DLG2: variants seen among roughly 807,000 people sequenced by gnomAD.
DLG2 encodes disks large homolog 2.
Under a neutral mutation model 132.5 loss-of-function variants are expected in DLG2, and 45 were observed. The ratio of observed to expected loss-of-function variants is 0.34; its 90% CI spans 0.27 to 0.44. DLG2 has a LOEUF of 0.44. Among genes scored for constraint, DLG2 ranks in the 20% least tolerant of loss-of-function variants. The probability of loss-of-function intolerance (pLI) is 1.00; values close to 1 mark genes in which losing one functional copy is unlikely to be tolerated. For missense variants in DLG2, 1,045 were observed against 1,196.9 expected (o/e 0.87, Z 1.87); for synonymous variants, 424 against 419.6 (o/e 1.01, Z -0.13).
intron 11 of DLG2, among the ~76,000 whole-genome samples, chr11:83,990,277 T>A (rs879565451): frequency 6.6e-6 from 1 of 152,130 alleles, no homozygotes; most frequent in Non-Finnish European, 1.5e-5. Flanking sequence ...ACATACAGAA[T>A]TTCAGGATTA....
At chr11:85,508,194 G>A (rs902876882) in intron 3 of DLG2, among the ~76,000 whole-genome samples, 2 of 152,108 alleles carry the variant, frequency 1.3e-5, no homozygotes, top group African/African-American at 2.4e-5. Flanking sequence ...CCAATCATGT[G>A]AAGCTTACTT....
At chr11:84,561,647 T>G (rs2154526254) in intron 6 of DLG2, among the ~76,000 whole-genome samples, 1 of 152,288 alleles carries the variant, frequency 6.6e-6, no homozygotes, top group Non-Finnish European at 1.5e-5. Context: ...AATAAATATT[T>G]ATTAAATCAT....
intron 16 of DLG2, among the ~76,000 whole-genome samples, chr11:83,847,280 A>G (rs1203404602): frequency 6.6e-6 from 1 of 152,226 alleles, no homozygotes; most frequent in Non-Finnish European, 1.5e-5. Flanking sequence ...GGGCATTAGC[A>G]AAACTAATAT....
At chr11:83,613,463 C>G (rs942122425) in intron 19 of DLG2, among the ~76,000 whole-genome samples, 5 of 152,172 alleles carry the variant, frequency 3.3e-5, no homozygotes, top group African/African-American at 1.2e-4. Flanking sequence ...AATGTGAGAA[C>G]TCTGATTTTC....
At chr11:84,119,799 A>G (rs2093818545) in intron 9 of DLG2, among the ~76,000 whole-genome samples, 1 of 152,204 alleles carries the variant, frequency 6.6e-6, no homozygotes, top group African/African-American at 2.4e-5. Context: ...AGTTACCTAT[A>G]ATAAGGCCCA....
chr11:83,509,572 A>G (rs1210522186), intron 21 of DLG2, among the ~76,000 whole-genome samples: 1 of 152,058 alleles, frequency 6.6e-6, no homozygotes, highest in Non-Finnish European at 1.5e-5. Context: ...CCCATCTCTT[A>G]TGGTACTCCA....
intron 21 of DLG2, among the ~76,000 whole-genome samples, chr11:83,511,108 A>ACACACACACACACACC (rs1221048091): frequency 1.3e-5 from 2 of 150,796 alleles, no homozygotes; most frequent in African/African-American, 4.9e-5. Flanking sequence ...ACACACACAC[A>ACACACACACACACACC]CACACATTCT....
At chr11:85,481,956 T>A (rs1274313802) in intron 3 of DLG2, among the ~76,000 whole-genome samples, 1 of 151,766 alleles carries the variant, frequency 6.6e-6, no homozygotes, top group Non-Finnish European at 1.5e-5. Flanking sequence ...AGGGTCCAGG[T>A]CTACAGAGCA....
At chr11:83,896,155 C>A (rs1340735371) in intron 15 of DLG2, among the ~76,000 whole-genome samples, 1 of 152,118 alleles carries the variant, frequency 6.6e-6, no homozygotes, top group Non-Finnish European at 1.5e-5. Flanking sequence ...TGGAAGAATC[C>A]ATTTACTGCC....
intron 7 of DLG2, among the ~76,000 whole-genome samples, chr11:84,321,440 T>C (rs2098404243): frequency 6.6e-6 from 1 of 152,122 alleles, no homozygotes; most frequent in Non-Finnish European, 1.5e-5. Context: ...GATACTATAA[T>C]CTTTAAAGTA....
At chr11:84,823,581 CCA>C (rs60714512) in intron 6 of DLG2, among the ~76,000 whole-genome samples, 24,385 of 134,128 alleles carry the variant, frequency 0.18, 2,224 homozygotes, top group Non-Finnish European at 0.22. Context: ...GGTTGTATAT[CCA>C]CACACACACA....
chr11:84,885,966 T>C (rs2088218351), intron 6 of DLG2, among the ~76,000 whole-genome samples: 2 of 152,110 alleles, frequency 1.3e-5, no homozygotes, highest in African/African-American at 4.8e-5. Context: ...GAATGCCCAC[T>C]ATTCACTAGG....
intron 9 of DLG2, among the ~76,000 whole-genome samples, chr11:84,143,166 T>C (rs559933764): frequency 8.0e-6 from 1 of 124,630 alleles, no homozygotes; most frequent in South Asian, 3.1e-4. Context: ...TAAAATATGA[T>C]GCTCATTTTT....
chr11:85,261,896 G>A (rs1299096415), intron 4 of DLG2, among the ~76,000 whole-genome samples: 4 of 152,114 alleles, frequency 2.6e-5, no homozygotes, highest in Non-Finnish European at 4.4e-5. Flanking sequence ...AGATGGAGTA[G>A]GTGTAGTTGA....
At chr11:84,248,626 T>C (rs1341236216) in intron 8 of DLG2, among the ~76,000 whole-genome samples, 1 of 152,078 alleles carries the variant, frequency 6.6e-6, no homozygotes, top group Non-Finnish European at 1.5e-5. Flanking sequence ...GAGGCCGAGG[T>C]GGGCAGATCA....
intron 6 of DLG2, among the ~76,000 whole-genome samples, chr11:84,539,420 G>A (rs751573992): frequency 6.6e-6 from 1 of 152,112 alleles, no homozygotes; most frequent in African/African-American, 2.4e-5. Flanking sequence ...TCATTCCAAG[G>A]CTTGTCTGGT....
chr11:83,993,024 A>C lies in DLG2; in HGVS notation c.920-12382T>G, dbSNP rs895092317. ...GTGAGGGTTTGGAGACTGTAGATTA[A>C]TAATAGCACTGTTCTAGGTTTTTTT... On this transcript the variant is annotated intron_variant, in intron 11 of 27. Transcript: ENST00000376104. Among the ~76,000 whole-genome samples the C allele has an allele frequency of 2.6e-5, 4 of 152,300 alleles. No individual in the cohort carries two copies. The East Asian group carries it at 7.7e-4, about 29-fold the overall frequency.
intron 4 of DLG2, among the ~76,000 whole-genome samples, chr11:85,215,907 G>A (rs896336465): frequency 1.3e-5 from 2 of 151,686 alleles, no homozygotes; most frequent in Non-Finnish European, 2.9e-5. Context: ...CTCATTTACA[G>A]TTTCAAGAAC....
intron 19 of DLG2, among the ~76,000 whole-genome samples, chr11:83,597,735 A>C (rs1025764549): frequency 2.6e-5 from 4 of 152,100 alleles, no homozygotes; most frequent in African/African-American, 9.7e-5. Flanking sequence ...CAGTGAGCTG[A>C]GGCTGCACCA....
Sources: allele counts gnomAD v4.1 joint callset (sites outside exome capture counted in the v4.1 genomes callset), GRCh38; gene constraint gnomAD v4.1.1; transcripts MANE v1.5; gene names NCBI Gene and HGNC (gene_info 2026-07-23, HGNC 2026-07-21).